TPR: variants seen among roughly 807,000 people sequenced by gnomAD.
TPR encodes nucleoprotein TPR.
TPR carries 51 observed loss-of-function variants against 316.1 expected under a neutral mutation model. That is an observed-to-expected ratio of 0.16 (90% CI 0.13 to 0.20). The LOEUF (loss-of-function observed/expected upper bound fraction) is 0.20, where lower values mean the gene tolerates loss of function less well. TPR is among the 10% of genes least tolerant of loss of function. The pLI is 1.00. For missense variants in TPR, 2,272 were observed against 2,754.8 expected (o/e 0.82, Z 3.92); for synonymous variants, 981 against 914.7 (o/e 1.07, Z -1.31).
chr1:186,337,929 C>A (rs778613392), intron 31 of TPR, 104 bp downstream of exon 31: 2 of 911,654 alleles, frequency 2.2e-6, no homozygotes, highest in African/African-American at 1.7e-5. Context: ...TATGCTTACA[C>A]GATTTCGGTA....
chr1:186,348,628 A>G (rs1658755648), intron 21 of TPR, among the ~76,000 whole-genome samples: 1 of 152,126 alleles, frequency 6.6e-6, no homozygotes, highest in African/African-American at 2.4e-5. Context: ...TCTGAGACTC[A>G]GGCCAGCATC....
chr1:186,352,135 A>T, intron 18 of TPR, 25 bp from the exon 19 acceptor site: 1 of 1,568,332 alleles, frequency 6.4e-7, no homozygotes, highest in Non-Finnish European at 8.6e-7. Flanking sequence ...AAATGAAATA[A>T]AAAATGCTGA....
chr1:186,327,410 A>G lies in TPR; in HGVS notation c.5889+50T>C, dbSNP rs200186608. 4 of 1,575,238 alleles carry G rather than the reference A, an allele frequency of 2.5e-6. No individual in the cohort carries two copies. In the Admixed American group the frequency reaches 7.0e-5, roughly 27 times the overall value. On this transcript the variant is annotated intron_variant, in intron 40 of 50. Coordinates refer to ENST00000367478, the MANE Select transcript of TPR (RefSeq NM_003292.3). ...GCATTAGTATCCCAAGGATTTGAGCACTTTCATCCAATAGTTTAAAAACAC... is the reference window on the plus strand; with the variant it reads ...GCATTAGTATCCCAAGGATTTGAGCGCTTTCATCCAATAGTTTAAAAACAC...
chr1:186,371,739 CTATT>C (rs1659531678), intron 2 of TPR, among the ~76,000 whole-genome samples: 1 of 152,156 alleles, frequency 6.6e-6, no homozygotes, highest in East Asian at 1.9e-4. Flanking sequence ...ATCTTAACTT[CTATT>C]TAAAGAGGAC....
chr1:186,326,697 C>G (rs1268711798), intron 40 of TPR, among the ~76,000 whole-genome samples: 3 of 150,960 alleles, frequency 2.0e-5, no homozygotes, highest in African/African-American at 7.3e-5. Flanking sequence ...AAAAAAATGA[C>G]AAAAATGAAC....
At chr1:186,360,990 C>T in intron 9 of TPR, 85 bp from the exon 10 acceptor site, 1 of 1,337,070 alleles carries the variant, frequency 7.5e-7, no homozygotes, top group Non-Finnish European at 1.0e-6. Context: ...TCACTTCTCC[C>T]CTCAGCAGAT....
At chr1:186,329,049 A>C (rs1217548179) in intron 39 of TPR, among the ~76,000 whole-genome samples, 1 of 152,216 alleles carries the variant, frequency 6.6e-6, no homozygotes, top group Non-Finnish European at 1.5e-5. Context: ...ATTTCAGAAA[A>C]AGCAACACTT....
intron 18 of TPR, among the ~76,000 whole-genome samples, chr1:186,353,022 A>G (rs951244911): frequency 7.2e-5 from 11 of 152,234 alleles, no homozygotes; most frequent in African/African-American, 2.7e-4. Flanking sequence ...AGAAATATAA[A>G]TTCAATGCAA....
chr1:186,333,209 T>C lies in TPR; in HGVS notation c.5368A>G (p.Asn1790Asp). Residue 1790 changes from asparagine (N) to aspartate (D), a missense_variant, in exon 37 of 51, where the codon AAT (asparagine) becomes GAT (aspartate). By Grantham distance (23) the Asn-to-Asp change is conservative (BLOSUM62 1). This residue lies in a region of TPR where 435 missense variants were observed against 461.1 expected (regional missense o/e 0.94). Transcript: ENST00000367478. ...QQSHPQIEPANQELSSNIVEV... is the reference protein window; with the variant it reads ...QQSHPQIEPADQELSSNIVEV... The stretch of plus-strand genomic sequence containing the variant: ...ACTATGTTTGAAGATAACTCTTGAT[T>C]GGCAGGCTCAATCTGAGGATGACTC... The C allele has an allele frequency of 1.2e-6, 2 of 1,613,652 alleles. No homozygotes were observed. Among genetic ancestry groups the C allele is most frequent in the Non-Finnish European group, 1.7e-6 (2 of 1,179,704 alleles).
chr1:186,368,098 A>G (rs906404621), intron 3 of TPR, 116 bp from the exon 4 acceptor site: 2 of 611,290 alleles, frequency 3.3e-6, no homozygotes, highest in African/African-American at 3.7e-5. Flanking sequence ...GCTTTCTCTT[A>G]TAACTTACAC....
At chr1:186,369,675 T>C (rs748619612) in intron 3 of TPR, among the ~76,000 whole-genome samples, 97 of 152,164 alleles carry the variant, frequency 6.4e-4, no homozygotes, top group Non-Finnish European at 1.3e-3. Context: ...TAGGATCATA[T>C]AATCTATAAG....
chr1:186,312,644 C>G lies in TPR; in HGVS notation c.*1327G>C. 9.6e-7 allele frequency: 1 copy of G among 1,046,186 alleles called. No homozygotes were observed. The highest frequency in any genetic ancestry group is 1.5e-6 in the Non-Finnish European group (1 of 680,830). 64.8% of individuals were successfully genotyped at this position (1,046,186 alleles called of 1,614,324 possible). ...CTTACCAAGAACATTATATACCAGTCTATAACCCTCAATAGTTCTACATCA... is the reference window on the plus strand; with the variant it reads ...CTTACCAAGAACATTATATACCAGTGTATAACCCTCAATAGTTCTACATCA... On this transcript the variant is annotated 3_prime_UTR_variant, in exon 51 of 51. Transcript: ENST00000367478.
rs1167872944 is a variant in TPR at position 186,344,355 on chromosome 1, A to G, written c.3417+20T>C. 1 of 1,607,660 alleles carries G rather than the reference A, an allele frequency of 6.2e-7. No individual in the cohort carries two copies. Among genetic ancestry groups the G allele is most frequent in the Admixed American group, 1.7e-5 (1 of 58,852 alleles). On this transcript the variant is annotated intron_variant, in intron 25 of 50. Coordinates refer to ENST00000367478, the MANE Select transcript of TPR (RefSeq NM_003292.3). ...CTCTTTCAATTCAACAGAACATTCT[A>G]TTCAGATTTACAATAATACCTTTAA...
chr1:186,357,089 C>T (rs1659051692), intron 14 of TPR, among the ~76,000 whole-genome samples: 1 of 152,078 alleles, frequency 6.6e-6, no homozygotes, highest in African/African-American at 2.4e-5. Context: ...CCTGTCGTCC[C>T]ACTTAGAGTG....
At chr1:186,314,329 T>TA (rs1657511336) in intron 50 of TPR, 6 of 392,062 alleles carry the variant, frequency 1.5e-5, no homozygotes, top group Admixed American at 4.2e-5. Flanking sequence ...TGGCAATAGG[T>TA]AGAGATACAA....
chr1:186,338,468 T>C (rs138818513), intron 30 of TPR, among the ~76,000 whole-genome samples: 12 of 152,350 alleles, frequency 7.9e-5, no homozygotes, highest in Non-Finnish European at 1.2e-4. Context: ...AAAACAGAGC[T>C]ACCAATGGTC....
chr1:186,354,537 G>A (rs1021972535), intron 17 of TPR, among the ~76,000 whole-genome samples: 1 of 152,102 alleles, frequency 6.6e-6, no homozygotes, highest in African/African-American at 2.4e-5. Flanking sequence ...TGAACTATTA[G>A]ATGTATAGGG....
intron 38 of TPR, among the ~76,000 whole-genome samples, 178 bp downstream of exon 38, chr1:186,332,017 A>T (rs1441896789): frequency 6.6e-6 from 1 of 152,170 alleles, no homozygotes; most frequent in African/African-American, 2.4e-5. Flanking sequence ...AAGAATATAA[A>T]ACACTGTTGG....
chr1:186,318,809 T>A lies in TPR; in HGVS notation c.6588A>T (p.Thr2196=), dbSNP rs1429792603. Reference sequence around the variant, plus strand: ...CTTCTTCATGAGCTAGGAACAGGGGTGTTTCATACATTCCTAAACCTAAAG... The same window carrying A: ...CTTCTTCATGAGCTAGGAACAGGGGAGTTTCATACATTCCTAAACCTAAAG... ...ASQGGLGMYE[T]PLFLAHEEES... is the part of the protein sequence containing the mutation. The change falls in exon 47 of 51, where the codon ACA becomes ACT. Residue 2196 remains threonine, a synonymous_variant. Transcript: ENST00000367478. 1.1e-5 allele frequency: 17 copies of A among 1,613,954 alleles called. No homozygotes were observed. Among genetic ancestry groups the A allele is most frequent in the Non-Finnish European group, 1.4e-5 (17 of 1,180,008 alleles).
Sources: gnomAD v4.1 joint callset for allele counts (sites outside exome capture counted in the v4.1 genomes callset) on GRCh38, gnomAD v4.1.1 for gene constraint, gnomAD v4.1.1 regional missense constraint, MANE v1.5 for transcripts, NCBI Gene and HGNC (gene_info 2026-07-23, HGNC 2026-07-21) for gene names.